Variants in FRMD4A observed in about 807,000 individuals in gnomAD.
FRMD4A encodes FERM domain containing 4A.
FRMD4A carries 29 observed loss-of-function variants against 129.1 expected under a neutral mutation model. The ratio of observed to expected loss-of-function variants is 0.22; its 90% CI spans 0.17 to 0.31. FRMD4A has a LOEUF of 0.31. Ranked by LOEUF, FRMD4A falls within the 10% of genes least tolerant of loss-of-function variation. The probability of loss-of-function intolerance (pLI) is 1.00; values close to 1 mark genes in which losing one functional copy is unlikely to be tolerated. For synonymous variants in FRMD4A, 634 were observed against 571.6 expected, an observed-to-expected ratio of 1.11 and a Z score of -1.56; for missense variants, 1,272 against 1,375.8, an observed-to-expected ratio of 0.92 and a Z score of 1.19.
intron 6 of FRMD4A, among the ~76,000 whole-genome samples, chr10:13,777,994 C>G (rs1401493232): frequency 1.3e-5 from 2 of 151,670 alleles, no homozygotes; most frequent in African/African-American, 4.8e-5. Context: ...GTAGAGATGG[C>G]ATCTCACCAT....
rs552113505 is a variant in FRMD4A, at chr10:13,651,970, C to G, written c.3055G>C (p.Ala1019Pro). ...TCCAGAATGGGTGAGTTTTCTGTTG[C>G]TTCTCTGAACAAAGGAAAGCAGGAG... is the stretch of plus-strand genomic sequence containing the variant. ...HHILTWQTGE[A>P]TENSPILDGS... The change falls in exon 24 of 25, where the codon GCA becomes CCA. Residue 1019 changes from alanine (A) to proline (P), a missense_variant. Transcript: ENST00000357447. The G allele has an allele frequency of 3.2e-6, 5 of 1,570,566 alleles. No homozygotes were observed. The highest frequency in any genetic ancestry group is 1.7e-5 in the Admixed American group (1 of 59,954).
intron 12 of FRMD4A, among the ~76,000 whole-genome samples, chr10:13,728,540 G>GTGCTAGC (rs1483233618): frequency 7.2e-6 from 1 of 139,298 alleles, no homozygotes; most frequent in East Asian, 2.2e-4. Context: ...GGAATTCTAA[G>GTGCTAGC]TGCTAGCTCA....
chr10:13,831,970 A>G (rs1310237759), intron 3 of FRMD4A, among the ~76,000 whole-genome samples: 1 of 152,152 alleles, frequency 6.6e-6, no homozygotes, highest in Non-Finnish European at 1.5e-5. Context: ...TCCTGCTGGC[A>G]CGTAATCTTC....
In FRMD4A at chr10:14,115,938, C is replaced by T. The variant is rs528894833; in HGVS notation, c.45+214120G>A. 3.0e-4 allele frequency among the ~76,000 whole-genome samples: 46 copies of T among 152,326 alleles called. 2 individuals are homozygous for T. The highest frequency in any genetic ancestry group is 2.3e-3 in the Admixed American group (35 of 15,302). ...CACTGAGCTCCTTGGAAGCCCACAC[C>T]CTTAACTATCAGCATTGCTGGCTGT... On this transcript the variant is annotated intron_variant, in intron 2 of 24. Transcript: ENST00000357447.
intron 2 of FRMD4A, among the ~76,000 whole-genome samples, chr10:14,124,091 A>T (rs1163622574): frequency 6.6e-6 from 1 of 152,198 alleles, no homozygotes; most frequent in Non-Finnish European, 1.5e-5. Context: ...GGTACAAAGT[A>T]AATGAAACTG....
chr10:14,249,361 AAAAG>A (rs1264666823), intron 2 of FRMD4A, among the ~76,000 whole-genome samples: 4 of 151,898 alleles, frequency 2.6e-5, no homozygotes, highest in African/African-American at 7.3e-5. Context: ...TAAAAAAAAA[AAAAG>A]AAAGAAACAA....
At chr10:13,764,377 T>C (rs2092199136) in intron 6 of FRMD4A, among the ~76,000 whole-genome samples, 1 of 151,938 alleles carries the variant, frequency 6.6e-6, no homozygotes, top group African/African-American at 2.4e-5. Context: ...TGGTGGTGTA[T>C]GCCTGTAGTC....
At chr10:13,656,575 TGACACC>T in intron 22 of FRMD4A, 55 bp downstream of exon 22, 7 of 1,330,466 alleles carry the variant, frequency 5.3e-6, no homozygotes, top group Non-Finnish European at 6.7e-6. Context: ...CGGTAGCCCT[TGACACC>T]GGCAAGCAGT....
chr10:13,844,084 G>A (rs111284451), intron 3 of FRMD4A, among the ~76,000 whole-genome samples: 1 of 152,138 alleles, frequency 6.6e-6, no homozygotes, highest in Admixed American at 6.6e-5. Context: ...GTAGGAGAGT[G>A]TGTGTGTGTT....
chr10:13,689,175 A>T (rs1329242270), intron 15 of FRMD4A, among the ~76,000 whole-genome samples: 1 of 85,502 alleles, frequency 1.2e-5, no homozygotes, highest in Non-Finnish European at 2.6e-5. Flanking sequence ...TTTTAAATCA[A>T]TGAGCAGTAC....
At chr10:13,654,320 C>T in intron 23 of FRMD4A, 96 bp downstream of exon 23, 1 of 851,708 alleles carries the variant, frequency 1.2e-6, no homozygotes, top group East Asian at 2.4e-5. Flanking sequence ...GAACCCTCAT[C>T]ATCCATTTAC....
intron 5 of FRMD4A, among the ~76,000 whole-genome samples, chr10:13,791,827 G>A (rs529144059): frequency 6.6e-6 from 1 of 152,190 alleles, no homozygotes; most frequent in African/African-American, 2.4e-5. Flanking sequence ...GAGTGACACA[G>A]CTCAGGGTGA....
At chr10:13,876,236 A>T (rs944449040) in intron 2 of FRMD4A, among the ~76,000 whole-genome samples, 2 of 152,252 alleles carry the variant, frequency 1.3e-5, no homozygotes, top group African/African-American at 4.8e-5. Context: ...AGAAACAAAG[A>T]GTTCCAAGAA....
intron 2 of FRMD4A, among the ~76,000 whole-genome samples, chr10:14,263,827 A>C (rs535195890): frequency 2.6e-5 from 4 of 152,172 alleles, no homozygotes; most frequent in Non-Finnish European, 5.9e-5. Flanking sequence ...GGCAAACCCA[A>C]TTGAGGCATT....
chr10:14,153,990 G>C (rs377664989), intron 2 of FRMD4A, among the ~76,000 whole-genome samples: 2 of 150,986 alleles, frequency 1.3e-5, no homozygotes, highest in African/African-American at 4.8e-5. Context: ...TGACGGGGTC[G>C]CGGCTTCCTG....
chr10:13,739,964 G>T (rs534259086), intron 11 of FRMD4A, among the ~76,000 whole-genome samples: 8 of 152,336 alleles, frequency 5.3e-5, no homozygotes, highest in African/African-American at 1.2e-4. Flanking sequence ...GCTGGGTGTG[G>T]TGGCGCATGC....
At chr10:13,677,455 C>T (rs558464954) in intron 15 of FRMD4A, among the ~76,000 whole-genome samples, 6 of 152,170 alleles carry the variant, frequency 3.9e-5, no homozygotes, top group Admixed American at 6.6e-5. Flanking sequence ...GAATTATTTT[C>T]GTAGCTGTTT....
At chr10:14,173,281 T>C (rs1475758621) in intron 2 of FRMD4A, among the ~76,000 whole-genome samples, 2 of 152,196 alleles carry the variant, frequency 1.3e-5, no homozygotes, top group African/African-American at 2.4e-5. Flanking sequence ...ACCTTCATCG[T>C]CTGAGCTTAT....
intron 13 of FRMD4A, among the ~76,000 whole-genome samples, chr10:13,706,588 C>T (rs753449165): frequency 5.3e-5 from 8 of 152,174 alleles, no homozygotes; most frequent in Non-Finnish European, 8.8e-5. Flanking sequence ...AATTCATTTT[C>T]GCATTGACCG....
Sources: allele counts gnomAD v4.1 joint callset (sites outside exome capture counted in the v4.1 genomes callset), GRCh38; gene constraint gnomAD v4.1.1; transcripts MANE v1.5; gene names NCBI Gene and HGNC (gene_info 2026-07-23, HGNC 2026-07-21).